The following RHOBTB3 variants were observed in gnomAD, a reference collection of about 807,000 sequenced individuals.
RHOBTB3 encodes the protein Rho related BTB domain containing 3.
A neutral mutation model predicts 67.2 loss-of-function variants in RHOBTB3; 47 were observed. That is an observed-to-expected ratio of 0.70 (90% confidence interval 0.55 to 0.89). RHOBTB3 has a LOEUF of 0.89. RHOBTB3 is among the 40% of genes least tolerant of loss of function. The pLI, the probability that RHOBTB3 is intolerant of heterozygous loss-of-function variation, is 0.00. For synonymous variants in RHOBTB3, 273 were observed against 274.2 expected (o/e 1.00, Z 0.04); for missense variants, 631 against 750.0 (o/e 0.84, Z 1.85).
At position 95,794,110 on chromosome 5, in the gene RHOBTB3, C is replaced by T; in HGVS notation, c.*936C>T. On this transcript the variant is annotated 3_prime_UTR_variant, in exon 12 of 12. Transcript: ENST00000379982. ...CCCGCCTTTGGGGAGGTCTGGACCA[C>T]CCAGGGCCTCCACTGCCACCTTGGC... 1 of 438,564 alleles carries T rather than the reference C, an allele frequency of 2.3e-6. No individual in the cohort carries two copies. Among genetic ancestry groups the T allele is most frequent in the Admixed American group, 2.7e-5 (1 of 37,402 alleles). The allele number at this position is 438,564 out of a possible 1,614,324, so 27.2% of individuals were successfully genotyped here. A position where few individuals can be genotyped will look rare whatever the true frequency, so the allele number is the denominator to read the frequency against.
intron 3 of RHOBTB3, among the ~76,000 whole-genome samples, chr5:95,741,294 C>T: frequency 6.7e-6 from 1 of 149,176 alleles, no homozygotes; most frequent in East Asian, 1.9e-4. Context: ...CACCACTGCA[C>T]TCCAGCCTGG....
upstream of RHOBTB3, among the ~76,000 whole-genome samples, chr5:95,728,489 A>C (rs1295145026): frequency 6.6e-6 from 1 of 152,238 alleles, no homozygotes; most frequent in Non-Finnish European, 1.5e-5. Flanking sequence ...TGACACAGAA[A>C]GCACAGATCT....
chr5:95,754,097 AAAAGAAAAG>A (rs2112798208), intron 5 of RHOBTB3, among the ~76,000 whole-genome samples: 1 of 152,108 alleles, frequency 6.6e-6, no homozygotes, highest in African/African-American at 2.4e-5. Context: ...GTCTCAAAAA[AAAAGAAAAG>A]AAAAGAAAAG....
At chr5:95,780,028 T>G in intron 8 of RHOBTB3, 1 of 469,542 alleles carries the variant, frequency 2.1e-6, no homozygotes, top group East Asian at 3.1e-5. Context: ...AATTGTTGTC[T>G]TGACTTGCAA....
rs1745222395 is a variant in RHOBTB3 at position 95,755,658 on chromosome 5, A to C, written c.945A>C (p.Pro315=). ...LFAINRDTAF[P]GASHESSGNP... ...CTATAAACAGAGATACTGCATTTCC[A>C]GGTGCTAGCCATGAATCTTCAGGCA... Residue 315 remains proline (P), a synonymous_variant, in exon 6 of 12, where the codon CCA becomes CCC. Transcript: ENST00000379982. 6.2e-7 allele frequency: 1 copy of C among 1,614,192 alleles called. No individual in the cohort carries two copies. The highest frequency in any genetic ancestry group is 8.5e-7 in the Non-Finnish European group (1 of 1,180,022).
chr5:95,727,151 TA>T (rs1032246354), upstream of RHOBTB3, among the ~76,000 whole-genome samples: 1 of 152,232 alleles, frequency 6.6e-6, no homozygotes, highest in African/African-American at 2.4e-5. Flanking sequence ...AATATTTTTT[TA>T]AAAGACAGCA....
chr5:95,789,547 C>G (rs1746314786), intron 11 of RHOBTB3: 1 of 152,074 alleles, frequency 6.6e-6, no homozygotes, highest in African/African-American at 2.4e-5. Flanking sequence ...AGCATAGACT[C>G]AAGGAAAATT....
chr5:95,783,775 C>G (rs773149478), intron 9 of RHOBTB3, 22 bp from the exon 10 acceptor site: 1 of 1,591,746 alleles, frequency 6.3e-7, no homozygotes, highest in Admixed American at 1.7e-5. Flanking sequence ...TCCACTTTCT[C>G]TCATGTCCCT....
intron 7 of RHOBTB3, among the ~76,000 whole-genome samples, chr5:95,766,352 G>T (rs1390849075): frequency 6.6e-6 from 1 of 151,770 alleles, no homozygotes; most frequent in Non-Finnish European, 1.5e-5. Flanking sequence ...GGGCTCTCAG[G>T]CTCTGAGATT....
intron 1 of RHOBTB3, among the ~76,000 whole-genome samples, chr5:95,725,658 C>T (rs903974502): frequency 2.0e-5 from 3 of 152,166 alleles, no homozygotes; most frequent in African/African-American, 7.2e-5. Flanking sequence ...CTATAAAATT[C>T]TTGTTTCCAC....
chr5:95,777,415 G>C (rs1487875597), intron 8 of RHOBTB3, among the ~76,000 whole-genome samples: 1 of 152,098 alleles, frequency 6.6e-6, no homozygotes, highest in Non-Finnish European at 1.5e-5. Flanking sequence ...TTTCATTTTT[G>C]TTTCACTCTT....
In RHOBTB3 at chr5:95,765,073, A is replaced by G. The variant is rs188721373; in HGVS notation, c.1161+1453A>G. On this transcript the variant is annotated intron_variant, in intron 7 of 11. Coordinates refer to ENST00000379982, the MANE Select transcript of RHOBTB3 (RefSeq NM_014899.4). ...TGTTTACGGACCAGTGAAAATGTAC[A>G]TCACGTACATTTGTGTTCTCTCAAA... Among the ~76,000 whole-genome samples the G allele has an allele frequency of 1.9e-3, 292 of 152,296 alleles. 1 individual carries two copies. The highest frequency in any genetic ancestry group is 6.7e-3 in the African/African-American group (278 of 41,566).
At chr5:95,756,769 CT>C (rs1185082559) in intron 6 of RHOBTB3, among the ~76,000 whole-genome samples, 2 of 152,116 alleles carry the variant, frequency 1.3e-5, no homozygotes, top group African/African-American at 4.8e-5. Flanking sequence ...TATCAAGCAT[CT>C]TTTCATATGT....
chr5:95,747,330 G>T (rs115456101), intron 3 of RHOBTB3, among the ~76,000 whole-genome samples: 1 of 152,042 alleles, frequency 6.6e-6, no homozygotes, highest in Non-Finnish European at 1.5e-5. Flanking sequence ...ACCCAGTCCC[G>T]CATTCCTCAC....
intron 1 of RHOBTB3, among the ~76,000 whole-genome samples, chr5:95,723,980 T>A (rs1222768538): frequency 2.6e-5 from 4 of 152,206 alleles, no homozygotes; most frequent in Admixed American, 2.0e-4. Context: ...TTTTAATAGA[T>A]GAGATAAAGA....
At chr5:95,764,431 T>C (rs151197849) in intron 7 of RHOBTB3, among the ~76,000 whole-genome samples, 2,685 of 152,294 alleles carry the variant, frequency 0.018, 30 homozygotes, top group Non-Finnish European at 0.03. Context: ...GGTTCAAAAT[T>C]ATAAATTAGA....
chr5:95,778,787 C>A (rs1745965660), intron 8 of RHOBTB3, among the ~76,000 whole-genome samples: 1 of 152,166 alleles, frequency 6.6e-6, no homozygotes, highest in African/African-American at 2.4e-5. Flanking sequence ...CAAATACAGC[C>A]AGCTTGCTTT....
chr5:95,753,508 T>C (rs1460237047), intron 5 of RHOBTB3, among the ~76,000 whole-genome samples: 1 of 152,210 alleles, frequency 6.6e-6, no homozygotes, highest in Non-Finnish European at 1.5e-5. Flanking sequence ...GATAGCACTT[T>C]GTTGGATCAA....
intron 8 of RHOBTB3, chr5:95,769,022 C>T (rs925604231): frequency 3.8e-5 from 10 of 262,882 alleles, no homozygotes; most frequent in African/African-American, 6.8e-5. Context: ...CCAGTCTTTC[C>T]GCAGACGAGA....
Sources: allele counts gnomAD v4.1 joint callset (sites outside exome capture counted in the v4.1 genomes callset), GRCh38; gene constraint gnomAD v4.1.1; transcripts MANE v1.5; gene names NCBI Gene and HGNC (gene_info 2026-07-23, HGNC 2026-07-21).